The following UBAP2 variants were observed in gnomAD, a reference collection of about 807,000 sequenced individuals.
UBAP2 encodes ubiquitin-associated protein 2.
A neutral mutation model predicts 139.6 loss-of-function variants in UBAP2; 75 were observed. The observed-to-expected ratio is 0.54, with a 90% CI of 0.45 to 0.65. The LOEUF (loss-of-function observed/expected upper bound fraction) is 0.65, where lower values mean the gene tolerates loss of function less well. Ranked by LOEUF, UBAP2 falls within the 30% of genes least tolerant of loss-of-function variation. The pLI is 0.00. For missense variants in UBAP2, 1,368 were observed against 1,369.6 expected, an observed-to-expected ratio of 1.00 and a Z score of 0.02; for synonymous variants, 526 against 526.2, an observed-to-expected ratio of 1.00 and a Z score of 0.01.
In UBAP2 at chr9:33,933,538, G is replaced by A. The variant is rs765468432; in HGVS notation, c.2060C>T (p.Ser687Phe). The change falls in exon 18 of 29, where the codon TCC becomes TTC. Residue 687 changes from serine to phenylalanine, a missense_variant. Physicochemically the swap from Ser to Phe is radical, Grantham distance 155 (BLOSUM62 -2). Coordinates refer to ENST00000379238, the MANE Select transcript of UBAP2 (RefSeq NM_001370062.2). ...GCTAGTCAGGTCGCCAGTGTGCTGG[G>A]ATGTGGACGGCAGAAGTGCAGTGCA... ...TSCTALLPSTSQHTGDLTSSP... is the reference protein window; with the variant it reads ...TSCTALLPSTFQHTGDLTSSP... 1.9e-6 allele frequency: 3 copies of A among 1,614,050 alleles called. No homozygotes were observed. Among genetic ancestry groups the A allele is most frequent in the Non-Finnish European group, 1.7e-6 (2 of 1,180,032 alleles).
intron 16 of UBAP2, among the ~76,000 whole-genome samples, chr9:33,940,310 G>C (rs1232156075): frequency 6.6e-6 from 1 of 152,106 alleles, no homozygotes; most frequent in Non-Finnish European, 1.5e-5. Context: ...ATACACCCTA[G>C]GAGGGGTTCT....
intron 1 of UBAP2, among the ~76,000 whole-genome samples, chr9:34,041,665 A>G (rs1392989023): frequency 1.3e-5 from 2 of 152,256 alleles, no homozygotes; most frequent in East Asian, 3.9e-4. Flanking sequence ...AGATCGTGCC[A>G]CTGGCATTCC....
At chr9:33,946,766 G>C (rs1317321586) in intron 13 of UBAP2, among the ~76,000 whole-genome samples, 2 of 152,048 alleles carry the variant, frequency 1.3e-5, no homozygotes, top group African/African-American at 4.8e-5. Flanking sequence ...TTTGAACTTG[G>C]TATTATAGGC....
chr9:34,044,180 A>G (rs1315441987), intron 1 of UBAP2, among the ~76,000 whole-genome samples: 1 of 150,422 alleles, frequency 6.6e-6, no homozygotes, highest in East Asian at 2.0e-4. Flanking sequence ...GGCAGATCAC[A>G]CACGAGGTCA....
At chr9:33,931,211 G>C (rs1416307597) in intron 19 of UBAP2, among the ~76,000 whole-genome samples, 1 of 152,172 alleles carries the variant, frequency 6.6e-6, no homozygotes, top group Admixed American at 6.5e-5. Context: ...TTTTCCTATA[G>C]GTGGGTTCCA....
intron 4 of UBAP2, 73 bp from the exon 5 acceptor site, chr9:33,989,199 CTTTCTTTTTT>C: frequency 8.2e-7 from 1 of 1,217,476 alleles, no homozygotes; most frequent in Non-Finnish European, 1.1e-6. Context: ...ATGCATGTAT[CTTTCTTTTTT>C]TTTTTTTTTT....
Position 33,981,097 on chromosome 9 carries a change from A to T in UBAP2, c.520+5663T>A, listed in dbSNP as rs28699656. On this transcript the variant is annotated intron_variant, in intron 6 of 28. Transcript: ENST00000379238. ...TATATATATATATATATATATATATATTCTGGATATATATATATATATATA... is the reference window on the plus strand; with the variant it reads ...TATATATATATATATATATATATATTTTCTGGATATATATATATATATATA... 7.0e-4 allele frequency among the ~76,000 whole-genome samples: 4 copies of T among 5,712 alleles called. 1 individual carries two copies. Among genetic ancestry groups the T allele is most frequent in the Non-Finnish European group, 1.2e-3 (3 of 2,550 alleles). 3.7% of individuals were successfully genotyped at this position (5,712 alleles called of 152,430 possible). A position where few individuals can be genotyped will look rare whatever the true frequency, so the allele number is the denominator to read the frequency against.
chr9:33,953,663 T>C (rs1439713718), intron 11 of UBAP2, among the ~76,000 whole-genome samples, 189 bp from the exon 12 acceptor site: 2 of 152,010 alleles, frequency 1.3e-5, no homozygotes, highest in African/African-American at 2.4e-5. Flanking sequence ...CCACAGAGAC[T>C]GAAGCAGGGT....
At chr9:34,003,112 T>C (rs940369261) in intron 2 of UBAP2, among the ~76,000 whole-genome samples, 5 of 151,894 alleles carry the variant, frequency 3.3e-5, no homozygotes, top group African/African-American at 1.2e-4. Flanking sequence ...CTTGCAGTAG[T>C]GTGCTCTCGG....
chr9:34,016,292 AG>A (rs1824296327), intron 2 of UBAP2, among the ~76,000 whole-genome samples: 3 of 92,358 alleles, frequency 3.2e-5, no homozygotes, highest in Non-Finnish European at 4.4e-5. Context: ...GAGGAGGAGG[AG>A]GAAGAGGAGG....
intron 1 of UBAP2, among the ~76,000 whole-genome samples, chr9:34,047,635 A>G (rs1221041032): frequency 6.6e-6 from 1 of 152,232 alleles, no homozygotes; most frequent in Non-Finnish European, 1.5e-5. Context: ...CCAAGAAATT[A>G]TATGCCCTTC....
At chr9:33,990,521 T>C (rs998711998) in intron 4 of UBAP2, among the ~76,000 whole-genome samples, 2 of 152,130 alleles carry the variant, frequency 1.3e-5, no homozygotes, top group African/African-American at 4.8e-5. Context: ...TAATGAAGAC[T>C]GAATATACTA....
At position 33,944,410 on chromosome 9, in the gene UBAP2, G is replaced by A. The variant is rs1312088082; in HGVS notation, c.1500C>T (p.Pro500=). 6.2e-7 allele frequency: 1 copy of A among 1,614,158 alleles called. No individual in the cohort carries two copies. Residue 500 remains proline, a synonymous_variant, in exon 14 of 29, where the codon CCC becomes CCT. Coordinates refer to ENST00000379238, the MANE Select transcript of UBAP2 (RefSeq NM_001370062.2). ...GCCGCTTAGCAAGTTTGATGTGTTT[G>A]GGCTGTGGCTGGTGGACAGACACAG... ...NISVSVHQPQ[P]KHIKLAKRRI...
intron 20 of UBAP2, 101 bp downstream of exon 20, chr9:33,927,696 G>A (rs1823572220): frequency 1.6e-6 from 2 of 1,274,058 alleles, no homozygotes; most frequent in Non-Finnish European, 2.1e-6. Context: ...GCACTCGGCG[G>A]GCCTGAGACT....
At chr9:33,952,333 T>C (rs1374213502) in intron 12 of UBAP2, among the ~76,000 whole-genome samples, 1 of 152,232 alleles carries the variant, frequency 6.6e-6, no homozygotes, top group East Asian at 1.9e-4. Context: ...TATACTTCCA[T>C]AAGCCTATCT....
chr9:33,938,986 C>T (rs1026892984), intron 16 of UBAP2: 2 of 424,302 alleles, frequency 4.7e-6, no homozygotes, highest in Non-Finnish European at 9.2e-6. Context: ...GATGATCCAT[C>T]CAAGACGGAC....
intron 6 of UBAP2, among the ~76,000 whole-genome samples, chr9:33,979,790 C>G (rs1264052859): frequency 1.3e-5 from 2 of 152,050 alleles, no homozygotes; most frequent in Non-Finnish European, 2.9e-5. Context: ...ATTGCTTGAA[C>G]CCCGGAGGCG....
At chr9:33,939,823 A>G (rs1255301284) in intron 16 of UBAP2, among the ~76,000 whole-genome samples, 3 of 2,338 alleles carry the variant, frequency 1.3e-3, no homozygotes, top group Middle Eastern at 0.25. Flanking sequence ...GGGAGGAGGA[A>G]GGGGGGGAGG....
intron 1 of UBAP2, among the ~76,000 whole-genome samples, chr9:34,033,086 T>C (rs1365889517): frequency 6.6e-6 from 1 of 152,266 alleles, no homozygotes. Context: ...AAAATTGAGC[T>C]ACCATATGAT....
Sources: allele counts gnomAD v4.1 joint callset (sites outside exome capture counted in the v4.1 genomes callset), GRCh38; gene constraint gnomAD v4.1.1; transcripts MANE v1.5; gene names NCBI Gene and HGNC (gene_info 2026-07-23, HGNC 2026-07-21).